Variants in SLIT1 observed in about 807,000 individuals in gnomAD.
The protein encoded by SLIT1 is slit guidance ligand 1.
In SLIT1, 66 loss-of-function variants were observed where a neutral mutation model predicts 186.1. That is an observed-to-expected ratio of 0.35 (90% CI 0.29 to 0.44). The LOEUF is 0.44. Ranked by LOEUF, SLIT1 falls within the 20% of genes least tolerant of loss-of-function variation. The pLI, the probability that SLIT1 is intolerant of heterozygous loss-of-function variation, is 1.00. For synonymous variants in SLIT1, 761 were observed against 833.8 expected (o/e 0.91, Z 1.50); for missense variants, 1,638 against 2,037.4 (o/e 0.80, Z 3.77).
intron 30 of SLIT1, 22 bp downstream of exon 30, chr10:97,013,719 C>G (rs1453090139): frequency 6.5e-7 from 1 of 1,537,512 alleles, no homozygotes; most frequent in Non-Finnish European, 8.8e-7. Flanking sequence ...CCTCCCTGGC[C>G]CTGGAAAGGG....
intron 18 of SLIT1, 103 bp downstream of exon 18, chr10:97,046,551 C>G (rs993017626): frequency 8.2e-7 from 1 of 1,216,396 alleles, no homozygotes; most frequent in African/African-American, 1.5e-5. Flanking sequence ...CTCCTGCAAG[C>G]TGGGCCCAGG....
chr10:97,146,316 G>A (rs1849816445), intron 4 of SLIT1, among the ~76,000 whole-genome samples: 1 of 152,198 alleles, frequency 6.6e-6, no homozygotes, highest in African/African-American at 2.4e-5. Flanking sequence ...CTAACTAGGA[G>A]GTGGTGAGTC....
intron 4 of SLIT1, among the ~76,000 whole-genome samples, chr10:97,147,808 A>G (rs1391556870): frequency 6.6e-6 from 1 of 152,148 alleles, no homozygotes; most frequent in Non-Finnish European, 1.5e-5. Context: ...GAGCTCACAC[A>G]ACACTCTAGA....
At chr10:97,129,485 G>A (rs560820574) in intron 4 of SLIT1, among the ~76,000 whole-genome samples, 1 of 152,178 alleles carries the variant, frequency 6.6e-6, no homozygotes. Context: ...CCTGATCTCA[G>A]TTAGGACCCA....
intron 7 of SLIT1, among the ~76,000 whole-genome samples, 176 bp downstream of exon 7, chr10:97,063,992 C>A (rs894047219): frequency 2.6e-5 from 4 of 152,120 alleles, no homozygotes; most frequent in Non-Finnish European, 5.9e-5. Flanking sequence ...GCCCTGCAAC[C>A]GTATAACTCC....
At position 97,178,524 on chromosome 10, in the gene SLIT1, C is replaced by T. The variant is rs142910158; in HGVS notation, c.197+6954G>A. 5.5e-4 allele frequency among the ~76,000 whole-genome samples: 83 copies of T among 152,210 alleles called. 1 individual carries two copies. In the East Asian group the frequency reaches 0.014, roughly 25 times the overall value. ...GACCATGACCATTAAATGCCATGTG[C>T]GATCCTGGCAGGATTGTGGACCTGG... On this transcript the variant is annotated intron_variant, in intron 1 of 36. Transcript: ENST00000266058.
At chr10:97,083,537 A>C (rs146240640) in intron 4 of SLIT1, among the ~76,000 whole-genome samples, 5 of 152,216 alleles carry the variant, frequency 3.3e-5, no homozygotes, top group Non-Finnish European at 4.4e-5. Context: ...GGAAAGGTGA[A>C]ATTATGTTCA....
intron 4 of SLIT1, among the ~76,000 whole-genome samples, chr10:97,093,462 T>C (rs886378625): frequency 1.3e-5 from 2 of 152,212 alleles, no homozygotes; most frequent in African/African-American, 4.8e-5. Context: ...GCTGACTCAG[T>C]TGGGAAAGGT....
In SLIT1 at chr10:97,184,018, C is replaced by CACCACA. The variant is rs1427040996; in HGVS notation, c.197+1459_197+1460insTGTGGT. Among the ~76,000 whole-genome samples the CACCACA allele has an allele frequency of 2.1e-5, 3 of 142,476 alleles. No individual in the cohort carries two copies. Among genetic ancestry groups the CACCACA allele is most frequent in the Non-Finnish European group, 4.6e-5 (3 of 65,686 alleles). The allele number at this position is 142,476 out of a possible 152,430, so 93.5% of individuals were successfully genotyped here. On this transcript the variant is annotated intron_variant, in intron 1 of 36. Transcript: ENST00000266058. The surrounding 1 kb of genome is among the most constrained non-coding windows in gnomAD (Gnocchi z 4.4). The stretch of plus-strand genomic sequence containing the variant: ...ATTCACACACACACATACACATGCA[C>CACCACA]CACACACACACACACACACACACAC...
intron 4 of SLIT1, among the ~76,000 whole-genome samples, chr10:97,073,913 C>T (rs576127880): frequency 6.6e-6 from 1 of 152,136 alleles, no homozygotes; most frequent in Non-Finnish European, 1.5e-5. Flanking sequence ...CCAGACCCCT[C>T]CTGACATCCA....
chr10:97,172,022 G>A (rs531442012), intron 1 of SLIT1, among the ~76,000 whole-genome samples: 19 of 151,282 alleles, frequency 1.3e-4, no homozygotes, highest in Non-Finnish European at 2.7e-4. Flanking sequence ...CTCCTCTGTA[G>A]CATAAATCAG....
Position 97,006,857 on chromosome 10 carries a change from A to T in SLIT1, c.3342-137T>A, listed in dbSNP as rs182775441. ...GCGACAGAAGATGCTCCTAATAAAC[A>T]CTTTTCATGAGAGAGCTGAGAGCCA... On this transcript the variant is annotated intron_variant, in intron 31 of 36. Transcript: ENST00000266058. The surrounding 1 kb of genome is among the most constrained non-coding windows in gnomAD (Gnocchi z 4.0). 1.8e-5 allele frequency: 12 copies of T among 650,990 alleles called. No individual in the cohort carries two copies. In the South Asian group the frequency reaches 1.9e-4, roughly 10 times the overall value. 40.3% of individuals were successfully genotyped at this position (650,990 alleles called of 1,614,324 possible). A position where few individuals can be genotyped will look rare whatever the true frequency, so the allele number is the denominator to read the frequency against.
intron 4 of SLIT1, among the ~76,000 whole-genome samples, chr10:97,149,323 T>C (rs889802395): frequency 6.6e-5 from 10 of 152,358 alleles, no homozygotes; most frequent in East Asian, 1.9e-4. Context: ...GCAGATTTAA[T>C]GATTGGAAAG....
In SLIT1 at chr10:97,063,626, A is replaced by G. The variant is rs1364967826; in HGVS notation, c.630-8T>C. On this transcript the variant is annotated splice_region_variant and splice_polypyrimidine_tract_variant and intron_variant, in intron 7 of 36. Transcript: ENST00000266058. ...TGGTTGGAGTGCAGGCGGCTGCAAG[A>G]GGACAGGATGGCTCACAACCCATCT... 1.3e-6 allele frequency: 2 copies of G among 1,592,648 alleles called. No homozygotes were observed. The highest frequency in any genetic ancestry group is 4.5e-5 in the East Asian group (2 of 44,744).
At chr10:97,032,916 C>A (rs564736387) in intron 23 of SLIT1, among the ~76,000 whole-genome samples, 27 of 152,294 alleles carry the variant, frequency 1.8e-4, no homozygotes, top group African/African-American at 6.5e-4. Context: ...CGACTTTCTC[C>A]ATTTGTATGT....
In SLIT1 at chr10:97,064,205, C is replaced by T. The variant is rs556926083; in HGVS notation, c.592G>A (p.Val198Met). The T allele has an allele frequency of 6.2e-5, 100 of 1,613,830 alleles. No homozygotes were observed. The highest frequency in any genetic ancestry group is 1.1e-4 in the East Asian group (5 of 44,872). ...TTGGGCATATGGTTGAAGCTGGACA[C>T]GGGGATGGTGGTGATATTGTTGTTG... is the stretch of plus-strand genomic sequence containing the variant. The part of the protein sequence containing the change: ...LNNNNITTIP[V>M]SSFNHMPKLR... The change falls in exon 7 of 37, where the codon GTG becomes ATG. Residue 198 changes from valine (V) to methionine (M), a missense_variant. Physicochemically the swap from Val to Met is conservative, Grantham distance 21 (BLOSUM62 1). Transcript: ENST00000266058.
rs1848401506 is a variant in SLIT1, at chr10:97,010,539, A to G, written c.3341+454T>C. 6.6e-6 allele frequency among the ~76,000 whole-genome samples: 1 copy of G among 152,244 alleles called. No individual in the cohort carries two copies. The highest frequency in any genetic ancestry group is 2.1e-4 in the South Asian group (1 of 4,834). On this transcript the variant is annotated intron_variant, in intron 31 of 36. Transcript: ENST00000266058. This position sits in a 1 kb window ranked among gnomAD's most constrained non-coding sequence, Gnocchi z 4.8. ...TAAAAGTCATGGAATTTTACATGTA[A>G]CTGTGTAAACTGTATGGTACATGAA...
chr10:97,002,541 T>A (rs748658974), intron 35 of SLIT1, among the ~76,000 whole-genome samples, 163 bp downstream of exon 35: 3 of 151,382 alleles, frequency 2.0e-5, no homozygotes, highest in African/African-American at 7.3e-5. Context: ...TGTGTCCCTA[T>A]AGGCCTTGTC....
chr10:97,007,512 ATATC>A (rs1735120631), intron 31 of SLIT1, among the ~76,000 whole-genome samples: 1 of 152,180 alleles, frequency 6.6e-6, no homozygotes, highest in Non-Finnish European at 1.5e-5. Context: ...CTACAGACCA[ATATC>A]TATTATAAAT....
Sources: allele counts gnomAD v4.1 joint callset (sites outside exome capture counted in the v4.1 genomes callset), GRCh38; gene constraint gnomAD v4.1.1; non-coding constraint Gnocchi (gnomAD v3.1); transcripts MANE v1.5; gene names NCBI Gene and HGNC (gene_info 2026-07-23, HGNC 2026-07-21).